The following PPP1R8 variants were observed in gnomAD, a reference collection of about 807,000 sequenced individuals.
PPP1R8 encodes nuclear inhibitor of protein phosphatase 1.
A neutral mutation model predicts 31.3 loss-of-function variants in PPP1R8; 4 were observed. That is an observed-to-expected ratio of 0.13 (90% CI 0.06 to 0.29). PPP1R8 has a LOEUF of 0.29. Among genes scored for constraint, PPP1R8 ranks in the 10% least tolerant of loss-of-function variants. The pLI, the probability that PPP1R8 is intolerant of heterozygous loss-of-function variation, is 1.00. For missense variants in PPP1R8, 254 were observed against 440.1 expected, an observed-to-expected ratio of 0.58 and a Z score of 3.78; for synonymous variants, 170 against 169.7, an observed-to-expected ratio of 1.00 and a Z score of -0.01.
intron 5 of PPP1R8, among the ~76,000 whole-genome samples, chr1:27,846,246 C>T (rs988718197): frequency 2.6e-5 from 4 of 152,194 alleles, no homozygotes; most frequent in Non-Finnish European, 5.9e-5. Flanking sequence ...TGCATGTTTC[C>T]ACTCACATTC....
chr1:27,847,018 C>CT lies in PPP1R8; in HGVS notation c.638-5dup. 6.2e-7 allele frequency: 1 copy of CT among 1,613,648 alleles called. No homozygotes were observed. Among genetic ancestry groups the CT allele is most frequent in the East Asian group, 2.2e-5 (1 of 44,870 alleles). On this transcript the variant is annotated splice_polypyrimidine_tract_variant and intron_variant, in intron 5 of 6. Transcript: ENST00000311772. ...TACCAACCCAACCCTGCCCTCTTCTCTTTTTGCAGAGGATGTGGATCCCTC... is the reference window on the plus strand; with the variant it reads ...TACCAACCCAACCCTGCCCTCTTCTCTTTTTTGCAGAGGATGTGGATCCCTC...
chr1:27,837,346 G>T (rs2089176982), intron 2 of PPP1R8, among the ~76,000 whole-genome samples: 1 of 150,006 alleles, frequency 6.7e-6, no homozygotes, highest in South Asian at 2.1e-4. Flanking sequence ...CAGGAGAATG[G>T]TGTGAACCCG....
intron 5 of PPP1R8, among the ~76,000 whole-genome samples, chr1:27,845,831 C>A (rs1455419386): frequency 1.4e-5 from 2 of 137,984 alleles, no homozygotes; most frequent in African/African-American, 6.0e-5. Flanking sequence ...CTTCTGTCGC[C>A]CAGGCTGGAG....
chr1:27,846,636 C>G (rs1557431924), intron 5 of PPP1R8, among the ~76,000 whole-genome samples: 1 of 152,198 alleles, frequency 6.6e-6, no homozygotes. Context: ...AATGTCTACT[C>G]TTCTTTTCTT....
At chr1:27,838,674 A>C (rs765106044) in intron 2 of PPP1R8, 25 bp from the exon 3 acceptor site, 2 of 1,383,294 alleles carry the variant, frequency 1.4e-6, no homozygotes, top group Non-Finnish European at 1.9e-6. Context: ...AGATTTAAGT[A>C]ATATTTAATT....
At chr1:27,840,965 C>T in intron 3 of PPP1R8, 49 bp from the exon 4 acceptor site, 2 of 1,578,602 alleles carry the variant, frequency 1.3e-6, no homozygotes, top group Non-Finnish European at 1.7e-6. Flanking sequence ...TTCTAAAACT[C>T]AGGTTGTTTT....
At chr1:27,843,950 C>T (rs1036367967) in intron 5 of PPP1R8, among the ~76,000 whole-genome samples, 11 of 152,182 alleles carry the variant, frequency 7.2e-5, no homozygotes, top group South Asian at 2.1e-4. Context: ...GAGACTGTCT[C>T]CAAAAAAGAG....
chr1:27,842,118 A>G (rs1372417752), intron 4 of PPP1R8, among the ~76,000 whole-genome samples: 1 of 152,176 alleles, frequency 6.6e-6, no homozygotes, highest in East Asian at 1.9e-4. Context: ...AGGTGGGCGG[A>G]TCACCTGAGG....
intron 5 of PPP1R8, among the ~76,000 whole-genome samples, chr1:27,845,670 A>G (rs893727119): frequency 6.6e-6 from 1 of 152,032 alleles, no homozygotes; most frequent in Non-Finnish European, 1.5e-5. Flanking sequence ...AATATGTGAA[A>G]AAATCCAGAC....
intron 6 of PPP1R8, among the ~76,000 whole-genome samples, chr1:27,847,635 G>T (rs1395524242): frequency 6.6e-6 from 1 of 152,138 alleles, no homozygotes; most frequent in Non-Finnish European, 1.5e-5. Flanking sequence ...GGAGGTTGAG[G>T]TGGGAGAATC....
In PPP1R8 at chr1:27,847,023, T is replaced by G; in HGVS notation, c.638-5T>G. ...ACCCAACCCTGCCCTCTTCTCTTTT[T>G]GCAGAGGATGTGGATCCCTCAGTTG... On this transcript the variant is annotated splice_polypyrimidine_tract_variant and splice_region_variant and intron_variant, in intron 5 of 6. Transcript: ENST00000311772. 1 of 1,613,846 alleles carries G rather than the reference T, an allele frequency of 6.2e-7. No individual in the cohort carries two copies. Among genetic ancestry groups the G allele is most frequent in the South Asian group, 1.1e-5 (1 of 91,082 alleles).
intron 2 of PPP1R8, 69 bp from the exon 3 acceptor site, chr1:27,838,630 T>C: frequency 1.9e-6 from 2 of 1,059,494 alleles, no homozygotes; most frequent in Non-Finnish European, 2.6e-6. Flanking sequence ...AGATTCTCTA[T>C]TTGGGAGAGT....
At chr1:27,840,336 T>C (rs1012126136) in intron 3 of PPP1R8, among the ~76,000 whole-genome samples, 20 of 152,234 alleles carry the variant, frequency 1.3e-4, no homozygotes, top group Admixed American at 1.1e-3. Flanking sequence ...AATCTGCTTA[T>C]ATAAGGGTCT....
At chr1:27,834,080 G>C (rs1033360565) in intron 2 of PPP1R8, among the ~76,000 whole-genome samples, 2 of 152,210 alleles carry the variant, frequency 1.3e-5, no homozygotes, top group African/African-American at 2.4e-5. Flanking sequence ...ATAGCACAAA[G>C]CTTGAAGACA....
At chr1:27,843,521 A>G (rs556723880) in intron 5 of PPP1R8, among the ~76,000 whole-genome samples, 191 bp downstream of exon 5, 3 of 152,128 alleles carry the variant, frequency 2.0e-5, no homozygotes, top group Non-Finnish European at 4.4e-5. Flanking sequence ...TTAGCTGGGC[A>G]TGGTGGTGTT....
chr1:27,851,647 A>C lies in PPP1R8; in HGVS notation c.*1201A>C, dbSNP rs114349221. The C allele has an allele frequency of 6.2e-4, 300 of 483,780 alleles. 1 individual carries two copies. Among genetic ancestry groups the C allele is most frequent in the African/African-American group, 5.4e-3 (278 of 51,412 alleles). The allele number at this position is 483,780 out of a possible 1,614,324, so 30.0% of individuals were successfully genotyped here. A position where few individuals can be genotyped will look rare whatever the true frequency, so the allele number is the denominator to read the frequency against. ...CAATGCTCCATCCCCATTATATTAC[A>C]AATAAAGATGCCCTAAATGAGTGTG... On this transcript the variant is annotated 3_prime_UTR_variant, in exon 7 of 7. Transcript: ENST00000311772.
At chr1:27,832,667 G>C in intron 1 of PPP1R8, 89 bp from the exon 2 acceptor site, 1 of 1,049,604 alleles carries the variant, frequency 9.5e-7, no homozygotes, top group South Asian at 1.6e-5. Flanking sequence ...TAGGCTGGTA[G>C]GAGAGCTGCA....
chr1:27,849,388 A>T (rs2089317739), intron 6 of PPP1R8, among the ~76,000 whole-genome samples: 3 of 152,048 alleles, frequency 2.0e-5, no homozygotes, highest in Non-Finnish European at 4.4e-5. Context: ...AAAAAAAAAA[A>T]AAAATTGCAC....
At chr1:27,836,218 C>T (rs931747211) in intron 2 of PPP1R8, among the ~76,000 whole-genome samples, 3 of 152,134 alleles carry the variant, frequency 2.0e-5, no homozygotes, top group Non-Finnish European at 4.4e-5. Context: ...ACACAACATA[C>T]CCAAATGAGA....
Sources: gnomAD v4.1 joint callset for allele counts (sites outside exome capture counted in the v4.1 genomes callset) on GRCh38, gnomAD v4.1.1 for gene constraint, MANE v1.5 for transcripts, NCBI Gene and HGNC (gene_info 2026-07-23, HGNC 2026-07-21) for gene names.